TINAG: variants seen among roughly 807,000 people sequenced by gnomAD.
TINAG encodes tubulointerstitial nephritis antigen.
TINAG carries 83 observed loss-of-function variants against 72.7 expected under a neutral mutation model. The observed-to-expected ratio is 1.14, with a 90% CI of 0.96 to 1.37. The LOEUF (loss-of-function observed/expected upper bound fraction) is 1.37, where lower values mean the gene tolerates loss of function less well. Among genes scored for constraint, TINAG ranks in the 40% most tolerant of loss-of-function variants. The probability of loss-of-function intolerance (pLI) is 0.00; values close to 1 mark genes in which losing one functional copy is unlikely to be tolerated. For synonymous variants in TINAG, 234 were observed against 189.9 expected (o/e 1.23, Z -1.91); for missense variants, 685 against 576.6 (o/e 1.19, Z -1.93).
chr6:54,354,636 G>C lies in TINAG; in HGVS notation c.1250G>C (p.Gly417Ala). The C allele has an allele frequency of 6.2e-7, 1 of 1,601,414 alleles. No homozygotes were observed. Among genetic ancestry groups the C allele is most frequent in the South Asian group, 1.1e-5 (1 of 88,432 alleles). Residue 417 changes from glycine to alanine, a missense_variant and splice_region_variant, in exon 9 of 11, where the codon GGA becomes GCA. Gly to Ala is a moderately conservative substitution (Grantham distance 60, BLOSUM62 0). Coordinates refer to ENST00000259782, the MANE Select transcript of TINAG (RefSeq NM_014464.4). ...CAGACACATGCAGTCAAACTCACTG[G>C]GTAAGGCAATTAAACAAAATTCATT... Reference protein sequence around the residue: ...KLQTHAVKLTGWGTLRGAQGQ... With the variant: ...KLQTHAVKLTAWGTLRGAQGQ...
In TINAG at chr6:54,354,577, C is replaced by T. The variant is rs200537990; in HGVS notation, c.1191C>T (p.Ser397=). Residue 397 remains serine, a synonymous_variant, in exon 9 of 11, where the codon AGC becomes AGT. Coordinates refer to ENST00000259782, the MANE Select transcript of TINAG (RefSeq NM_014464.4). ...CAGGGATATACAGACATGTTACCAG[C>T]ACAAATAAAGAATCAGAAAAATATC... The part of the protein sequence containing the change: ...YKTGIYRHVT[S]TNKESEKYRK... 1.2e-6 allele frequency: 2 copies of T among 1,610,546 alleles called. No homozygotes were observed. Among genetic ancestry groups the T allele is most frequent in the Non-Finnish European group, 1.7e-6 (2 of 1,178,030 alleles).
intron 9 of TINAG, among the ~76,000 whole-genome samples, chr6:54,363,611 A>G (rs1763310767): frequency 7.4e-6 from 1 of 135,226 alleles, no homozygotes; most frequent in Non-Finnish European, 1.6e-5. Flanking sequence ...AAAAGTGCCA[A>G]CGGGTATCAA....
At chr6:54,380,664 A>G in intron 10 of TINAG, 93 bp downstream of exon 10, 1 of 989,080 alleles carries the variant, frequency 1.0e-6, no homozygotes, top group Non-Finnish European at 1.5e-6. Flanking sequence ...ATTTAGTCAC[A>G]TCCTCAGCTG....
At chr6:54,383,457 A>G (rs1764008934) in intron 10 of TINAG, among the ~76,000 whole-genome samples, 2 of 152,156 alleles carry the variant, frequency 1.3e-5, no homozygotes, top group African/African-American at 4.8e-5. Flanking sequence ...AATAAGTAGA[A>G]AATAGCAGAA....
intron 10 of TINAG, among the ~76,000 whole-genome samples, chr6:54,382,396 T>C (rs1364694416): frequency 2.0e-5 from 3 of 152,112 alleles, no homozygotes; most frequent in African/African-American, 7.2e-5. Context: ...ATATAAACAA[T>C]ACTCATTGAA....
chr6:54,360,660 G>T (rs1395727224), intron 9 of TINAG, among the ~76,000 whole-genome samples: 1 of 151,198 alleles, frequency 6.6e-6, no homozygotes, highest in African/African-American at 2.4e-5. Flanking sequence ...AGGAATTAGT[G>T]CAATAACTTA....
upstream of TINAG, chr6:54,307,984 A>G: frequency 6.6e-7 from 1 of 1,504,736 alleles, no homozygotes; most frequent in Non-Finnish European, 9.0e-7. Flanking sequence ...AATGGAGTAC[A>G]GATGGGAAAT....
At chr6:54,366,397 T>G (rs898604400) in intron 9 of TINAG, among the ~76,000 whole-genome samples, 1 of 151,668 alleles carries the variant, frequency 6.6e-6, no homozygotes, top group African/African-American at 2.4e-5. Context: ...CAAATGCAGT[T>G]TTTTTAATAT....
chr6:54,323,727 G>A (rs1372272634), intron 3 of TINAG, among the ~76,000 whole-genome samples: 1 of 152,200 alleles, frequency 6.6e-6, no homozygotes, highest in African/African-American at 2.4e-5. Context: ...GCCAAGACGA[G>A]CAGATCATTT....
intron 8 of TINAG, among the ~76,000 whole-genome samples, chr6:54,352,148 G>C (rs939380965): frequency 4.0e-5 from 6 of 151,890 alleles, no homozygotes; most frequent in African/African-American, 1.4e-4. Flanking sequence ...TGAAAATTTA[G>C]GTTGTGAATA....
chr6:54,315,592 C>A (rs1784353717), intron 1 of TINAG, among the ~76,000 whole-genome samples: 1 of 151,872 alleles, frequency 6.6e-6, no homozygotes, highest in African/African-American at 2.4e-5. Context: ...CAGGAGGATC[C>A]CTTAAGCCCA....
At position 54,326,766 on chromosome 6, in the gene TINAG, A is replaced by T. The variant is rs773261831; in HGVS notation, c.510-36A>T. On this transcript the variant is annotated intron_variant, in intron 3 of 10. Transcript: ENST00000259782. ...AAAAGTGATGTCATATAACCTGTAT[A>T]TATTTTTCTATATTTTTCTCTCATT... is the stretch of plus-strand genomic sequence containing the variant. The T allele has an allele frequency of 4.1e-6, 6 of 1,453,686 alleles. No homozygotes were observed. The South Asian group carries it at 6.3e-5, about 15-fold the overall frequency. The allele number at this position is 1,453,686 out of a possible 1,614,324, so 90.0% of individuals were successfully genotyped here. A position where few individuals can be genotyped will look rare whatever the true frequency, so the allele number is the denominator to read the frequency against.
At chr6:54,384,294 T>C (rs896907895) in intron 10 of TINAG, among the ~76,000 whole-genome samples, 2 of 152,114 alleles carry the variant, frequency 1.3e-5, no homozygotes, top group Middle Eastern at 3.2e-3. Context: ...GTGGCATGTG[T>C]ATACCTATGT....
chr6:54,335,815 T>G (rs1270306368), intron 4 of TINAG, among the ~76,000 whole-genome samples: 3 of 152,110 alleles, frequency 2.0e-5, no homozygotes, highest in Non-Finnish European at 4.4e-5. Flanking sequence ...TTCCCCAACT[T>G]TTAAAAAATC....
intron 9 of TINAG, among the ~76,000 whole-genome samples, chr6:54,364,076 G>A (rs938244421): frequency 6.6e-6 from 1 of 151,524 alleles, no homozygotes; most frequent in African/African-American, 2.4e-5. Flanking sequence ...GATGTGGTGG[G>A]AGGAGAGGAA....
At chr6:54,385,672 T>A (rs1029355700) in intron 10 of TINAG, among the ~76,000 whole-genome samples, 4 of 151,732 alleles carry the variant, frequency 2.6e-5, no homozygotes, top group African/African-American at 9.7e-5. Flanking sequence ...TACCAAAACT[T>A]GATAAGACAA....
chr6:54,334,111 C>T (rs1784806984), intron 4 of TINAG, among the ~76,000 whole-genome samples: 1 of 152,182 alleles, frequency 6.6e-6, no homozygotes, highest in South Asian at 2.1e-4. Flanking sequence ...ACCTGTTACT[C>T]ACAAATCTGC....
intron 6 of TINAG, among the ~76,000 whole-genome samples, chr6:54,348,841 A>G (rs1785192444): frequency 6.6e-6 from 1 of 152,086 alleles, no homozygotes; most frequent in African/African-American, 2.4e-5. Context: ...GAGTGTTTTC[A>G]ATGGTTTTGC....
intron 4 of TINAG, among the ~76,000 whole-genome samples, chr6:54,340,721 G>A (rs1008315964): frequency 6.6e-6 from 1 of 151,986 alleles, no homozygotes; most frequent in South Asian, 2.1e-4. Flanking sequence ...AAATTGATCT[G>A]GCTTAGTGGA....
Sources: allele counts gnomAD v4.1 joint callset (sites outside exome capture counted in the v4.1 genomes callset), GRCh38; gene constraint gnomAD v4.1.1; transcripts MANE v1.5; gene names NCBI Gene and HGNC (gene_info 2026-07-23, HGNC 2026-07-21).